Variants in F8 observed in about 807,000 individuals in gnomAD.
The protein encoded by F8 is antihemophilic factor.
F8 carries 12 observed loss-of-function variants against 140.6 expected under a neutral mutation model. The ratio of observed to expected loss-of-function variants is 0.09; its 90% CI spans 0.05 to 0.14. F8 has a LOEUF of 0.14. Among genes scored for constraint, F8 ranks in the 10% least tolerant of loss-of-function variants. F8 has a pLI of 1.00. For synonymous variants in F8, 585 were observed against 614.6 expected, an observed-to-expected ratio of 0.95 and a Z score of 0.71; for missense variants, 1,354 against 1,720.7, an observed-to-expected ratio of 0.79 and a Z score of 3.77.
At chrX:154,859,771 T>C (rs2072676319) in intron 25 of F8, among the ~76,000 whole-genome samples, 1 of 111,575 alleles carries the variant, frequency 9.0e-6, no homozygotes, top group Non-Finnish European at 1.9e-5. Flanking sequence ...GGAATTCTTC[T>C]TGGACATGAT....
rs1186092776 is a variant in F8, at chrX:154,901,454, C to T, written c.6116-12G>A. ...GGGAGTCTGACACTCTGAAATGAAACGGGTGGAACACAGTAACTAGAAGTG... is the reference window on the plus strand; with the variant it reads ...GGGAGTCTGACACTCTGAAATGAAATGGGTGGAACACAGTAACTAGAAGTG... On this transcript the variant is annotated splice_polypyrimidine_tract_variant and intron_variant, in intron 19 of 25. Transcript: ENST00000360256. The T allele has an allele frequency of 1.7e-5, 19 of 1,124,702 alleles. No individual in the cohort carries two copies. The East Asian group carries it at 3.6e-4, about 21-fold the overall frequency. 92.7% of individuals were successfully genotyped at this position (1,124,702 alleles called of 1,213,427 possible). A position where few individuals can be genotyped will look rare whatever the true frequency, so the allele number is the denominator to read the frequency against.
At chrX:154,855,985 G>A (rs1017924514) in intron 25 of F8, among the ~76,000 whole-genome samples, 4 of 111,762 alleles carry the variant, frequency 3.6e-5, no homozygotes, top group East Asian at 2.8e-4. Context: ...TTATTGACAT[G>A]GGCCCACTAA....
At chrX:154,907,989 T>C (rs2073046882) in intron 14 of F8, among the ~76,000 whole-genome samples, 1 of 111,778 alleles carries the variant, frequency 8.9e-6, no homozygotes, top group Non-Finnish European at 1.9e-5. Context: ...AAAAACCTTA[T>C]TGGCTAGGGC....
intron 6 of F8, among the ~76,000 whole-genome samples, chrX:154,970,698 C>A (rs1164549424): frequency 2.7e-5 from 3 of 111,664 alleles, no homozygotes; most frequent in African/African-American, 9.8e-5. Context: ...CTAACAGCTT[C>A]ATCTCACATT....
chrX:154,865,773 C>T (rs964321059), intron 22 of F8, among the ~76,000 whole-genome samples: 2 of 100,984 alleles, frequency 2.0e-5, no homozygotes, highest in Non-Finnish European at 4.0e-5. Flanking sequence ...CATCAAACCA[C>T]AAAGAAAGAA....
intron 22 of F8, among the ~76,000 whole-genome samples, chrX:154,877,031 A>G (rs1201876877): frequency 1.8e-5 from 2 of 112,252 alleles, no homozygotes; most frequent in African/African-American, 3.2e-5. Flanking sequence ...GTATATATCA[A>G]TGTAAAATGC....
intron 14 of F8, among the ~76,000 whole-genome samples, chrX:154,917,589 G>A (rs1018837173): frequency 1.8e-5 from 2 of 111,892 alleles, no homozygotes; most frequent in African/African-American, 6.5e-5. Context: ...TACTGAGGCA[G>A]TCCTCTAGAT....
In F8 at chrX:154,860,608, C is replaced by T. The variant is rs782654096; in HGVS notation, c.6724G>A (p.Val2242Met). ...TGCAGCCACTCTTTTGGATTATTCACCTGAGGGCAATAGAGTTGGACTAGT... is the reference window on the plus strand; with the variant it reads ...TGCAGCCACTCTTTTGGATTATTCATCTGAGGGCAATAGAGTTGGACTAGT... ...QGRSNAWRPQ[V>M]NNPKEWLQVD... is the part of the protein sequence containing the mutation. Residue 2242 changes from valine (V) to methionine (M), a missense_variant and splice_region_variant, in exon 25 of 26, where the codon GTG (valine) becomes ATG (methionine). Coordinates refer to ENST00000360256, the MANE Select transcript of F8 (RefSeq NM_000132.4). 201 of 1,209,508 alleles carry T rather than the reference C, an allele frequency of 1.7e-4. No individual in the cohort carries two copies. In the East Asian group the frequency reaches 5.5e-3, roughly 33 times the overall value.
chrX:154,904,940 T>C lies in F8; in HGVS notation c.5457A>G (p.Ala1819=). 2 of 1,210,456 alleles carry C rather than the reference T, an allele frequency of 1.7e-6. No homozygotes were observed. Among genetic ancestry groups the C allele is most frequent in the South Asian group, 3.5e-5 (2 of 56,931 alleles). The part of the protein sequence containing the change: ...ISYEEDQRQG[A]EPRKNFVKPN... ...GCTTGACAAAGTTTTTTCTAGGTTC[T>C]GCTCCTTGCCTCTGATCTTCCTCAT... The change falls in exon 16 of 26, where the codon GCA becomes GCG. Residue 1819 remains alanine (A), a synonymous_variant. Transcript: ENST00000360256.
At chrX:154,847,620 G>A (rs1311822395) in intron 25 of F8, among the ~76,000 whole-genome samples, 5 of 112,033 alleles carry the variant, frequency 4.5e-5, no homozygotes, top group African/African-American at 1.6e-4. Flanking sequence ...CTCGTGCCAT[G>A]GTTTTCAGCT....
At chrX:154,948,251 T>A (rs955953199) in intron 12 of F8, among the ~76,000 whole-genome samples, 1 of 111,251 alleles carries the variant, frequency 9.0e-6, no homozygotes, top group East Asian at 2.8e-4. Context: ...AAGGTCCAGA[T>A]TCAAGGAAAT....
In F8 at chrX:154,930,888, C is replaced by G. The variant is rs782176982; in HGVS notation, c.2902G>C (p.Glu968Gln). 5 of 1,202,314 alleles carry G rather than the reference C, an allele frequency of 4.2e-6. No individual in the cohort carries two copies. In the Admixed American group the frequency reaches 1.1e-4, roughly 27 times the overall value. Reference protein sequence around the residue: ...SEENNDSKLLESGLMNSQESS... With the variant: ...SEENNDSKLLQSGLMNSQESS... ...TCTTGGCTATTCATTAAACCTGATT[C>G]TAACAACTTTGAATCATTATTTTCT... The change falls in exon 14 of 26, where the codon GAA (glutamate) becomes CAA (glutamine). Residue 968 changes from glutamate to glutamine, a missense_variant. This residue lies in a region of F8 where 658 missense variants were observed against 666.5 expected (regional missense o/e 0.99). Transcript: ENST00000360256.
chrX:154,908,429 C>T (rs1557276493), intron 14 of F8, among the ~76,000 whole-genome samples: 2 of 112,196 alleles, frequency 1.8e-5, no homozygotes, highest in Admixed American at 1.9e-4. Flanking sequence ...TATTCATAAA[C>T]CTTTACATTT....
chrX:155,021,149 G>T (rs2073758303), intron 1 of F8, among the ~76,000 whole-genome samples: 1 of 111,752 alleles, frequency 8.9e-6, no homozygotes. Context: ...GTTCTAGTAC[G>T]TGTTAATGAG....
chrX:155,001,905 C>T (rs782756078), intron 1 of F8, among the ~76,000 whole-genome samples: 1 of 111,656 alleles, frequency 9.0e-6, no homozygotes, highest in South Asian at 3.8e-4. Flanking sequence ...GAGTGAGATC[C>T]CATCTCCAAA....
chrX:154,913,991 T>C (rs1238922166), intron 14 of F8, among the ~76,000 whole-genome samples: 1 of 113,015 alleles, frequency 8.8e-6, no homozygotes, highest in Non-Finnish European at 1.9e-5. Context: ...TAGCAGAGGT[T>C]CTCCACGAGG....
At chrX:154,965,874 C>A in intron 9 of F8, 96 bp downstream of exon 9, 2 of 799,637 alleles carry the variant, frequency 2.5e-6, no homozygotes, top group South Asian at 4.4e-5. Flanking sequence ...AGATCATGTC[C>A]ATTGGAGACA....
chrX:154,940,441 G>T (rs931556695), intron 13 of F8, among the ~76,000 whole-genome samples: 18 of 111,868 alleles, frequency 1.6e-4, no homozygotes, highest in African/African-American at 5.5e-4. Flanking sequence ...TGAATAAAAT[G>T]AAGTGTGAAG....
chrX:154,846,651 T>C (rs1488968073), intron 25 of F8, among the ~76,000 whole-genome samples: 1 of 111,814 alleles, frequency 8.9e-6, no homozygotes, highest in East Asian at 2.8e-4. Context: ...TCTTCCTCCA[T>C]CCCTTTATTT....
Sources: allele counts gnomAD v4.1 joint callset (sites outside exome capture counted in the v4.1 genomes callset), GRCh38; gene constraint gnomAD v4.1.1; regional missense constraint gnomAD v4.1.1; transcripts MANE v1.5; gene names NCBI Gene and HGNC (gene_info 2026-07-23, HGNC 2026-07-21).